The following RHPN1 variants were observed in gnomAD, a reference collection of about 807,000 sequenced individuals.
The protein encoded by RHPN1 is rhophilin-1.
Under a neutral mutation model 74.7 loss-of-function variants are expected in RHPN1, and 77 were observed. That is an observed-to-expected ratio of 1.03 (90% CI 0.86 to 1.25). RHPN1 has a LOEUF of 1.25. Among genes scored for constraint, RHPN1 ranks in the 50% most tolerant of loss-of-function variants. RHPN1 has a pLI of 0.00. For missense variants in RHPN1, 987 were observed against 932.2 expected (o/e 1.06, Z -0.77); for synonymous variants, 444 against 414.5 (o/e 1.07, Z -0.87).
At chr8:143,368,829 C>T (rs1310747282), upstream of RHPN1, 4 of 387,700 alleles carry the variant, frequency 1.0e-5, no homozygotes, top group African/African-American at 6.4e-5. Context: ...CCAGCCGCGC[C>T]GCGGGCCGCC....
At position 143,383,654 on chromosome 8, in the gene RHPN1, G is replaced by C. The variant is rs1329468990; in HGVS notation, c.*1003G>C. ...GCTGCAGAGTCAGGGCTGCACCCAA[G>C]AGGAGCCACGGAGCCGGAGCCGGAG... On this transcript the variant is annotated 3_prime_UTR_variant, in exon 15 of 15. Transcript: ENST00000289013. 6.5e-6 allele frequency: 1 copy of C among 152,922 alleles called. No homozygotes were observed. Among genetic ancestry groups the C allele is most frequent in the Admixed American group, 6.5e-5 (1 of 15,304 alleles). 9.5% of individuals were successfully genotyped at this position (152,922 alleles called of 1,614,324 possible).
intron 3 of RHPN1, among the ~76,000 whole-genome samples, chr8:143,377,134 ATG>A (rs1337166413): frequency 1.4e-5 from 2 of 146,038 alleles, no homozygotes; most frequent in Non-Finnish European, 3.0e-5. Flanking sequence ...GTATGCACGC[ATG>A]TGTTTGTGTG....
In RHPN1 at chr8:143,382,568, G is replaced by A. The variant is rs1416571677; in HGVS notation, c.1930G>A (p.Gly644Ser). 1.2e-6 allele frequency: 2 copies of A among 1,611,484 alleles called. No individual in the cohort carries two copies. Among genetic ancestry groups the A allele is most frequent in the Non-Finnish European group, 1.7e-6 (2 of 1,179,720 alleles). The change falls in exon 15 of 15, where the codon GGC (glycine) becomes AGC (serine). Residue 644 changes from glycine (G) to serine (S), a missense_variant. By Grantham distance (56) the Gly-to-Ser change is moderately conservative. Coordinates refer to ENST00000289013, the MANE Select transcript of RHPN1 (RefSeq NM_052924.3). ...CAACTGGAGCCGAAAGGCCCAGCAG[G>A]GCAAGACTGGAGGCTGCCCCCAGCC... ...LLNWSRKAQQGKTGGCPQPCA... is the reference protein window; with the variant it reads ...LLNWSRKAQQSKTGGCPQPCA...
At chr8:143,364,592 CT>C (rs375769809), upstream of RHPN1, among the ~76,000 whole-genome samples, 189 of 145,336 alleles carry the variant, frequency 1.3e-3, no homozygotes, top group Admixed American at 1.9e-3. The surrounding 1 kb of genome is among the most constrained non-coding windows in gnomAD (Gnocchi z 4.5). Context: ...CTCAGTGGCT[CT>C]TTTTTTTTTT....
intron 8 of RHPN1, 140 bp downstream of exon 8, chr8:143,379,648 G>A (rs1001381928): frequency 1.2e-5 from 17 of 1,444,144 alleles, no homozygotes; most frequent in East Asian, 2.5e-5. Flanking sequence ...TCCCTGGGGG[G>A]GCTGGTCAGG....
chr8:143,382,248 C>G (rs996391597), intron 14 of RHPN1, among the ~76,000 whole-genome samples, 188 bp from the exon 15 acceptor site: 11 of 152,216 alleles, frequency 7.2e-5, no homozygotes, highest in Admixed American at 2.0e-4. Flanking sequence ...TTTTCTCTAC[C>G]CAGCATGGCT....
At chr8:143,371,795 G>T (rs548881290) in intron 1 of RHPN1, among the ~76,000 whole-genome samples, 1 of 152,240 alleles carries the variant, frequency 6.6e-6, no homozygotes, top group Non-Finnish European at 1.5e-5. Context: ...CACCGTGGAC[G>T]TGGGGGTGGG....
Position 143,382,517 on chromosome 8 carries a change from A to G in RHPN1, c.1879A>G (p.Thr627Ala). ...GCATGGTTGCAAGACCCCGGCATCC[A>G]CGTGGGCCAGTCCCCGGCCCCTCCT... ...REHGCKTPAS[T>A]WASPRPLLNW... is the part of the protein sequence containing the mutation. Residue 627 changes from threonine to alanine, a missense_variant, in exon 15 of 15, where the codon ACG becomes GCG. Transcript: ENST00000289013. The G allele has an allele frequency of 6.2e-7, 1 of 1,610,148 alleles. No homozygotes were observed. The highest frequency in any genetic ancestry group is 1.1e-5 in the South Asian group (1 of 90,576).
chr8:143,369,106 C>T (rs1362894683), intron 1 of RHPN1, 59 bp downstream of exon 1: 10 of 1,345,542 alleles, frequency 7.4e-6, no homozygotes, highest in Non-Finnish European at 9.7e-6. Context: ...CTTTTCCTGC[C>T]CCCCCTCGAG....
rs566673687 is a variant in RHPN1, at chr8:143,372,625, G to A, written c.61-2928G>A. 7.2e-5 allele frequency among the ~76,000 whole-genome samples: 11 copies of A among 151,904 alleles called. No homozygotes were observed. In the South Asian group the frequency reaches 2.3e-3, roughly 31 times the overall value. On this transcript the variant is annotated intron_variant, in intron 1 of 14. Transcript: ENST00000289013. ...TGTGTCCATCCCTCCGGCCGCCTGT[G>A]TCCCTCCCTCCGGCCCCTAAGCGCC...
chr8:143,376,879 C>CGT (rs1818278722), intron 3 of RHPN1, among the ~76,000 whole-genome samples: 2 of 1,564 alleles, frequency 1.3e-3, no homozygotes, highest in African/African-American at 4.1e-3. Context: ...TATGTGTGTG[C>CGT]ATGTGTGTGC....
At position 143,378,877 on chromosome 8, in the gene RHPN1, G is replaced by A. The variant is rs751952732; in HGVS notation, c.585-35G>A. 100 of 1,576,946 alleles carry A rather than the reference G, an allele frequency of 6.3e-5. 1 individual carries two copies. The highest frequency in any genetic ancestry group is 2.6e-4 in the East Asian group (11 of 42,252). ...GAGGGGAGGCCCAGCTGCGGGAACC[G>A]TGGGAACTCCACCCAGCCTGACCCA... is the stretch of plus-strand genomic sequence containing the variant. On this transcript the variant is annotated intron_variant, in intron 6 of 14. Transcript: ENST00000289013.
At chr8:143,376,758 C>T (rs1818254946) in intron 3 of RHPN1, 105 bp downstream of exon 3, 4 of 1,348,658 alleles carry the variant, frequency 3.0e-6, no homozygotes, top group African/African-American at 3.0e-5. Flanking sequence ...TATATGTGTG[C>T]ATTGTCTGTG....
intron 4 of RHPN1, 104 bp from the exon 5 acceptor site, chr8:143,378,165 A>G: frequency 1.0e-6 from 1 of 967,378 alleles, no homozygotes; most frequent in East Asian, 2.6e-5. Context: ...TGCGGCACAG[A>G]CCCTCCCTCC....
At chr8:143,367,538 G>A (rs4874104), upstream of RHPN1, 95,365 of 152,220 alleles carry the variant, frequency 0.63, 32,689 homozygotes, top group South Asian at 0.83. Context: ...AGGAGGTTTC[G>A]CGTGGCTGGC....
chr8:143,382,855 A>G lies in RHPN1; in HGVS notation c.*204A>G. 1 of 588,924 alleles carries G rather than the reference A, an allele frequency of 1.7e-6. No homozygotes were observed. Among genetic ancestry groups the G allele is most frequent in the Non-Finnish European group, 3.0e-6 (1 of 330,862 alleles). 36.5% of individuals were successfully genotyped at this position (588,924 alleles called of 1,614,324 possible). A position where few individuals can be genotyped will look rare whatever the true frequency, so the allele number is the denominator to read the frequency against. ...TGTGGCCTCTTCACCCACACACAGA[A>G]GGATGCCAGTCCCTCTGTCGGTCTG... On this transcript the variant is annotated 3_prime_UTR_variant, in exon 15 of 15. Coordinates refer to ENST00000289013, the MANE Select transcript of RHPN1 (RefSeq NM_052924.3).
At chr8:143,369,423 C>T (rs1276555495) in intron 1 of RHPN1, among the ~76,000 whole-genome samples, 1 of 152,232 alleles carries the variant, frequency 6.6e-6, no homozygotes, top group African/African-American at 2.4e-5. Context: ...TTCGGTCCTC[C>T]CTCTGCATCC....
intron 11 of RHPN1, among the ~76,000 whole-genome samples, 189 bp from the exon 12 acceptor site, chr8:143,381,079 A>C (rs1345468963): frequency 6.6e-6 from 1 of 152,166 alleles, no homozygotes; most frequent in Non-Finnish European, 1.5e-5. Context: ...TTTGGGAGCC[A>C]CTTGGGGCAG....
chr8:143,374,015 G>T (rs76389596), intron 1 of RHPN1: 1 of 543,270 alleles, frequency 1.8e-6, no homozygotes, highest in African/African-American at 2.1e-5. Context: ...CTGTGATTTT[G>T]GGGGGCTGGA....
Sources: gnomAD v4.1 joint callset for allele counts (sites outside exome capture counted in the v4.1 genomes callset) on GRCh38, gnomAD v4.1.1 for gene constraint, Gnocchi (gnomAD v3.1) non-coding constraint, MANE v1.5 for transcripts, NCBI Gene and HGNC (gene_info 2026-07-23, HGNC 2026-07-21) for gene names.